Variants in ANKRD54 observed in about 807,000 individuals in gnomAD.
ANKRD54 encodes ankyrin repeat domain 54, also known as ankyrin repeat domain-containing protein 54.
ANKRD54 carries 26 observed loss-of-function variants against 36.2 expected under a neutral mutation model. The observed-to-expected ratio is 0.72, with a 90% CI of 0.53 to 1.00. The LOEUF is 1.00. Ranked by LOEUF, ANKRD54 falls within the 50% of genes least tolerant of loss-of-function variation. The pLI is 0.00. For synonymous variants in ANKRD54, 209 were observed against 188.4 expected (o/e 1.11, Z -0.89); for missense variants, 384 against 424.3 (o/e 0.91, Z 0.83).
chr22:37,844,023 C>T lies in ANKRD54; in HGVS notation c.216G>A (p.Trp72Ter). 1 of 1,438,432 alleles carries T rather than the reference C, an allele frequency of 7.0e-7. No individual in the cohort carries two copies. 89.1% of individuals were successfully genotyped at this position (1,438,432 alleles called of 1,614,324 possible). A position where few individuals can be genotyped will look rare whatever the true frequency, so the allele number is the denominator to read the frequency against. ...CGTCGCGCGGCTCCGCATCCTGCTG[C>T]CACAGGACGTGCAAGTAGCGCAGCG... ...QSPLRYLHVL[W>*]QQDAEPRDEL... The change falls in exon 1 of 8, where the codon TGG (tryptophan) becomes TGA (stop). Residue 72 changes from tryptophan to a stop codon, truncating the protein, a stop_gained. Transcript: ENST00000215941. LOFTEE classifies it high-confidence loss of function.
upstream of ANKRD54, chr22:37,847,741 C>A (rs369207831): frequency 2.4e-6 from 1 of 416,022 alleles, no homozygotes; most frequent in South Asian, 1.9e-5. Context: ...TTCCTTGGTT[C>A]AGGGAAGGTC....
At chr22:37,833,126 G>A in intron 5 of ANKRD54, 33 bp downstream of exon 5, 1 of 1,614,004 alleles carries the variant, frequency 6.2e-7, no homozygotes, top group South Asian at 1.1e-5. Flanking sequence ...GTGAGGGGGA[G>A]AAAGAGGACA....
upstream of ANKRD54, among the ~76,000 whole-genome samples, chr22:37,847,944 G>A (rs1029047507): frequency 7.9e-5 from 12 of 152,112 alleles, no homozygotes; most frequent in African/African-American, 2.7e-4. Flanking sequence ...TGCAGATACC[G>A]ATGGGGAAGG....
chr22:37,845,285 G>A (rs1305837500), upstream of ANKRD54, among the ~76,000 whole-genome samples: 1 of 152,152 alleles, frequency 6.6e-6, no homozygotes, highest in African/African-American at 2.4e-5. Flanking sequence ...CTGGACACAG[G>A]ATCAGACTTG....
At chr22:37,838,103 C>A (rs1317974248) in intron 3 of ANKRD54, among the ~76,000 whole-genome samples, 1 of 151,894 alleles carries the variant, frequency 6.6e-6, no homozygotes, top group African/African-American at 2.4e-5. Flanking sequence ...CCACTGCACT[C>A]CAGCCTGGGC....
intron 6 of ANKRD54, 62 bp from the exon 7 acceptor site, chr22:37,832,806 C>G: frequency 1.2e-6 from 2 of 1,606,722 alleles, no homozygotes; most frequent in Non-Finnish European, 1.7e-6. Context: ...GCTGATGCTG[C>G]TTCCAAAAAG....
upstream of ANKRD54, among the ~76,000 whole-genome samples, chr22:37,845,021 CAAAA>C (rs10600027): frequency 0.019 from 2,215 of 119,058 alleles, 50 homozygotes; most frequent in African/African-American, 0.06. Context: ...TCAATGAACG[CAAAA>C]AAAAAAAAAA....
Position 37,833,707 on chromosome 22 carries a change from A to G in ANKRD54, c.524T>C (p.Leu175Pro), listed in dbSNP as rs1198796472. The G allele has an allele frequency of 6.2e-7, 1 of 1,614,172 alleles. No homozygotes were observed. Among genetic ancestry groups the G allele is most frequent in the Admixed American group, 1.7e-5 (1 of 60,020 alleles). Residue 175 changes from leucine to proline, a missense_variant, in exon 4 of 8, where the codon CTG becomes CCG. Coordinates refer to ENST00000215941, the MANE Select transcript of ANKRD54 (RefSeq NM_138797.4). The stretch of plus-strand genomic sequence containing the variant: ...ACCCAGGTGCAGTGGCGTGTTCCCC[A>G]GCCCATCTCGCTGGTTAGGATCAGC... The part of the protein sequence containing the change: ...HGADPNQRDG[L>P]GNTPLHLAAC...
chr22:37,840,652 G>A (rs184798675), intron 1 of ANKRD54, among the ~76,000 whole-genome samples: 61 of 151,426 alleles, frequency 4.0e-4, no homozygotes, highest in African/African-American at 1.2e-3. Context: ...TTGGGAGGCC[G>A]AGGCAGGTGG....
At chr22:37,838,374 CAA>C in intron 3 of ANKRD54, 124 bp downstream of exon 3, 1 of 926,844 alleles carries the variant, frequency 1.1e-6, no homozygotes, top group Non-Finnish European at 1.6e-6. Flanking sequence ...ACTGCAGTGC[CAA>C]GTCTTCCTTA....
chr22:37,838,652 A>G (rs1216674273), intron 2 of ANKRD54, 54 bp from the exon 3 acceptor site: 44 of 1,553,206 alleles, frequency 2.8e-5, no homozygotes, highest in South Asian at 4.7e-5. Flanking sequence ...ATGTTAGCTA[A>G]GCTGCAGACC....
At position 37,832,733 on chromosome 22, in the gene ANKRD54, C is replaced by T. The variant is rs1359089258; in HGVS notation, c.732G>A (p.Met244Ile). The change falls in exon 7 of 8, where the codon ATG becomes ATA. Residue 244 changes from methionine to isoleucine, a missense_variant. By Grantham distance (10) the Met-to-Ile change is conservative. Transcript: ENST00000215941. ...VRLEVKQIIH[M>I]LREYLERLGQ... ...CTAGGCGCTCCAGATACTCCCTCAG[C>T]ATATGGATGATCTGGAACAAGAGGG... 1.9e-6 allele frequency: 3 copies of T among 1,614,020 alleles called. No individual in the cohort carries two copies. Among genetic ancestry groups the T allele is most frequent in the Non-Finnish European group, 2.5e-6 (3 of 1,180,036 alleles).
upstream of ANKRD54, chr22:37,848,588 G>C (rs1277161281): frequency 6.6e-6 from 1 of 151,908 alleles, no homozygotes; most frequent in Non-Finnish European, 1.5e-5. Flanking sequence ...TAGAGACGGG[G>C]TTTCGCCATT....
Position 37,843,094 on chromosome 22 carries a change from T to C in ANKRD54, c.328+817A>G, listed in dbSNP as rs149795342. On this transcript the variant is annotated intron_variant, in intron 1 of 7. Coordinates refer to ENST00000215941, the MANE Select transcript of ANKRD54 (RefSeq NM_138797.4). ...GGCAGCATAACAGCTAAACATCCAT[T>C]ACCTTACTTAACTCATCCCATTTTA... Among the ~76,000 whole-genome samples, 621 of 152,318 alleles carry C rather than the reference T, an allele frequency of 4.1e-3. 3 individuals carry two copies. Among genetic ancestry groups the C allele is most frequent in the Middle Eastern group, 0.01 (3 of 294 alleles).
chr22:37,844,143 G>T lies in ANKRD54; in HGVS notation c.96C>A (p.Asp32Glu). 6 of 1,496,970 alleles carry T rather than the reference G, an allele frequency of 4.0e-6. No individual in the cohort carries two copies. The highest frequency in any genetic ancestry group is 5.3e-6 in the Non-Finnish European group (6 of 1,130,342). The allele number at this position is 1,496,970 out of a possible 1,614,324, so 92.7% of individuals were successfully genotyped here. Residue 32 changes from aspartate (D) to glutamate (E), a missense_variant, in exon 1 of 8, where the codon GAC becomes GAA. Coordinates refer to ENST00000215941, the MANE Select transcript of ANKRD54 (RefSeq NM_138797.4). ...ECAVAPEPLT[D>E]AEGLFSFADF... is the part of the protein sequence containing the mutation. Reference sequence around the variant, plus strand: ...CAGCGAAGGAGAAGAGGCCCTCAGCGTCAGTCAGCGGCTCCGGCGCCACCG... The same window carrying T: ...CAGCGAAGGAGAAGAGGCCCTCAGCTTCAGTCAGCGGCTCCGGCGCCACCG...
At chr22:37,846,356 T>C (rs958383235), upstream of ANKRD54, among the ~76,000 whole-genome samples, 1 of 152,090 alleles carries the variant, frequency 6.6e-6, no homozygotes, top group Non-Finnish European at 1.5e-5. Context: ...TCTCTCACTG[T>C]CACTCAGGCT....
At chr22:37,833,648 C>T (rs1601718680) in intron 4 of ANKRD54, 36 bp downstream of exon 4, 1 of 1,610,814 alleles carries the variant, frequency 6.2e-7, no homozygotes, top group South Asian at 1.1e-5. Flanking sequence ...TTCTTTGCTG[C>T]AAATGAGTTG....
chr22:37,841,652 A>G (rs1924272076), intron 1 of ANKRD54, among the ~76,000 whole-genome samples: 1 of 152,060 alleles, frequency 6.6e-6, no homozygotes. Context: ...GTTTGAGACC[A>G]GCCTGGCCAA....
upstream of ANKRD54, chr22:37,844,517 T>G: frequency 5.0e-6 from 2 of 396,810 alleles, no homozygotes; most frequent in Non-Finnish European, 9.0e-6. Flanking sequence ...ACAGACATTG[T>G]AACCAATTAC....
Sources: gnomAD v4.1 joint callset for allele counts (sites outside exome capture counted in the v4.1 genomes callset) on GRCh38, gnomAD v4.1.1 for gene constraint, MANE v1.5 for transcripts, NCBI Gene and HGNC (gene_info 2026-07-23, HGNC 2026-07-21) for gene names.